The following FABP6 variants were observed in gnomAD, a reference collection of about 807,000 sequenced individuals.
The protein encoded by FABP6 is gastrotropin.
FABP6 carries 13 observed loss-of-function variants against 14.9 expected under a neutral mutation model. The observed-to-expected ratio is 0.87, with a 90% CI of 0.57 to 1.39. The LOEUF is 1.39. Ranked by LOEUF, FABP6 falls within the 40% of genes most tolerant of loss-of-function variation. The pLI is 0.00. For synonymous variants in FABP6, 75 were observed against 63.6 expected, an observed-to-expected ratio of 1.18 and a Z score of -0.85; for missense variants, 161 against 167.2, an observed-to-expected ratio of 0.96 and a Z score of 0.20.
intron 3 of FABP6, among the ~76,000 whole-genome samples, chr5:160,216,544 A>G (rs1156838266): frequency 6.6e-6 from 1 of 152,190 alleles, no homozygotes; most frequent in Admixed American, 6.6e-5. Context: ...CTGGGATTAC[A>G]GGCATGAGCC....
intron 2 of FABP6, among the ~76,000 whole-genome samples, chr5:160,202,039 C>T (rs1332827861): frequency 6.6e-6 from 1 of 152,218 alleles, no homozygotes; most frequent in Non-Finnish European, 1.5e-5. Flanking sequence ...GCTGGGATTA[C>T]ACGTGTGAGC....
intron 1 of FABP6, among the ~76,000 whole-genome samples, chr5:160,192,701 G>A (rs1249375789): frequency 6.6e-6 from 1 of 152,254 alleles, no homozygotes; most frequent in Non-Finnish European, 1.5e-5. Flanking sequence ...CCACTGGGCA[G>A]AGATAATGTG....
chr5:160,190,378 A>G (rs1189681762), intron 1 of FABP6, among the ~76,000 whole-genome samples: 1 of 152,062 alleles, frequency 6.6e-6, no homozygotes, highest in Non-Finnish European at 1.5e-5. Flanking sequence ...GATTACAGGC[A>G]TGCACCACCA....
intron 3 of FABP6, 109 bp downstream of exon 3, chr5:160,235,018 T>C: frequency 1.2e-6 from 1 of 816,118 alleles, no homozygotes; most frequent in Non-Finnish European, 1.9e-6. Context: ...GCACTTCCCT[T>C]GTACCAGGCT....
At chr5:160,221,568 A>G (rs1486785751) in intron 3 of FABP6, among the ~76,000 whole-genome samples, 1 of 152,058 alleles carries the variant, frequency 6.6e-6, no homozygotes, top group Non-Finnish European at 1.5e-5. Context: ...CATCTCCATT[A>G]CCGTGGTAAA....
In FABP6 at chr5:160,214,805, A is replaced by AAAT. The variant is rs1297717638; in HGVS notation, c.135+988_135+989insTAA. On this transcript the variant is annotated intron_variant, in intron 3 of 6. Coordinates refer to the FABP6 transcript ENST00000393980. ...CCTGTCTCTATAAAAAGAAAGAAAG[A>AAAT]AAGAAAGAAATCCCATCAACTCAAC... 6.3e-5 allele frequency among the ~76,000 whole-genome samples: 6 copies of AAAT among 95,528 alleles called. No individual in the cohort carries two copies. In the East Asian group the frequency reaches 1.4e-3, roughly 22 times the overall value. The allele number at this position is 95,528 out of a possible 152,430, so 62.7% of individuals were successfully genotyped here.
At chr5:160,210,948 A>G (rs1164611541) in intron 2 of FABP6, among the ~76,000 whole-genome samples, 1 of 152,198 alleles carries the variant, frequency 6.6e-6, no homozygotes, top group Admixed American at 6.5e-5. Context: ...GAATGATTGC[A>G]TGGGAGCGGG....
At chr5:160,202,680 TGTAGTCCCA>T (rs1000864073) in intron 2 of FABP6, among the ~76,000 whole-genome samples, 8 of 151,706 alleles carry the variant, frequency 5.3e-5, no homozygotes, top group African/African-American at 1.7e-4. Context: ...GTCAGGCGCC[TGTAGTCCCA>T]GTGACTCGGG....
exon 2 of FABP6, chr5:160,199,090 G>A (rs766772386): frequency 6.2e-7 from 1 of 1,614,062 alleles, no homozygotes; most frequent in South Asian, 1.1e-5. Flanking sequence ...GGCAGGGGCT[G>A]GTCCAGCCCA....
upstream of FABP6, among the ~76,000 whole-genome samples, chr5:160,226,415 G>C (rs77042998): frequency 6.6e-6 from 1 of 151,622 alleles, no homozygotes; most frequent in African/African-American, 2.4e-5. Flanking sequence ...CAGAAAATTA[G>C]CCGGGCATGA....
intron 3 of FABP6, among the ~76,000 whole-genome samples, chr5:160,217,694 C>T (rs760322832): frequency 2.0e-5 from 3 of 152,036 alleles, no homozygotes; most frequent in Middle Eastern, 3.2e-3. Context: ...TGCAGTGCAG[C>T]GGCATGATCA....
chr5:160,223,332 C>CCTTCCTTCCTTCCTTCCTTCCTTCCTT (rs1760168181), intron 3 of FABP6, among the ~76,000 whole-genome samples: 4 of 93,408 alleles, frequency 4.3e-5, no homozygotes, highest in African/African-American at 1.5e-4. Context: ...TTTTTGCCCG[C>CCTTCCTTCCTTCCTTCCTTCCTTCCTT]CCTTCCTTCC....
At chr5:160,223,135 T>G (rs1237379024) in intron 3 of FABP6, among the ~76,000 whole-genome samples, 1 of 152,172 alleles carries the variant, frequency 6.6e-6, no homozygotes, top group Non-Finnish European at 1.5e-5. Context: ...CAAATGTTTG[T>G]GGCAACCCCA....
rs144615205 is a variant in FABP6 at position 160,191,805 on chromosome 5, C to CA, written c.-59+4369dup. ...TGAAACCCCATCTCTACTAAAAATA[C>CA]AAAAAAAAAAAAAAAAAATTAGCCA... On this transcript the variant is annotated intron_variant, in intron 1 of 6. Transcript: ENST00000393980. 5.4e-3 allele frequency among the ~76,000 whole-genome samples: 701 copies of CA among 130,298 alleles called. 8 individuals are homozygous for CA. Among genetic ancestry groups the CA allele is most frequent in the African/African-American group, 0.017 (592 of 34,444 alleles). The allele number at this position is 130,298 out of a possible 152,430, so 85.5% of individuals were successfully genotyped here. A position where few individuals can be genotyped will look rare whatever the true frequency, so the allele number is the denominator to read the frequency against.
chr5:160,201,685 C>T (rs1759644284), intron 2 of FABP6, among the ~76,000 whole-genome samples: 1 of 151,784 alleles, frequency 6.6e-6, no homozygotes, highest in Non-Finnish European at 1.5e-5. Flanking sequence ...CCCTCCCCCT[C>T]CTCTCTTTCT....
At position 160,191,905 on chromosome 5, in the gene FABP6, C is replaced by T. The variant is rs577680138; in HGVS notation, c.-59+4451C>T. Among the ~76,000 whole-genome samples the T allele has an allele frequency of 9.3e-4, 141 of 151,614 alleles. 1 individual carries two copies. The highest frequency in any genetic ancestry group is 3.2e-3 in the African/African-American group (134 of 41,310). ...AGGAGAATGGCATGAATCCAGGAGG[C>T]GGAGCTTGCAGTGAGCCAAGATCAC... On this transcript the variant is annotated intron_variant, in intron 1 of 6. Transcript: ENST00000393980.
rs571994840 is a variant in FABP6, at chr5:160,218,150, C to T, written c.135+4331C>T. Among the ~76,000 whole-genome samples, 21 of 152,036 alleles carry T rather than the reference C, an allele frequency of 1.4e-4. No individual in the cohort carries two copies. The South Asian group carries it at 4.2e-3, about 30-fold the overall frequency. Reference sequence around the variant, plus strand: ...TTAGGGACAAGTTCTTGCTGTGTTGCCCAGGCTGGTCTCCAATTCCTGGCC... The same window carrying T: ...TTAGGGACAAGTTCTTGCTGTGTTGTCCAGGCTGGTCTCCAATTCCTGGCC... On this transcript the variant is annotated intron_variant, in intron 3 of 6. Transcript: ENST00000393980.
intron 1 of FABP6, among the ~76,000 whole-genome samples, chr5:160,231,565 T>C (rs1275463303): frequency 2.0e-5 from 3 of 152,106 alleles, no homozygotes; most frequent in Non-Finnish European, 4.4e-5. Context: ...AGATAATTTT[T>C]TTGTATTTTT....
chr5:160,192,432 T>C (rs1041631257), intron 1 of FABP6, among the ~76,000 whole-genome samples: 1 of 152,262 alleles, frequency 6.6e-6, no homozygotes, highest in Non-Finnish European at 1.5e-5. Flanking sequence ...GTTAGCTCCA[T>C]TCCTGCAGAA....
Sources: allele counts gnomAD v4.1 joint callset (sites outside exome capture counted in the v4.1 genomes callset), GRCh38; gene constraint gnomAD v4.1.1; transcripts MANE v1.5; gene names NCBI Gene and HGNC (gene_info 2026-07-23, HGNC 2026-07-21).